ARAP2: variants seen among roughly 807,000 people sequenced by gnomAD.
ARAP2 encodes the protein ArfGAP with RhoGAP domain, ankyrin repeat and PH domain 2.
Under a neutral mutation model 194.5 loss-of-function variants are expected in ARAP2, and 148 were observed. The ratio of observed to expected loss-of-function variants is 0.76; its 90% CI spans 0.67 to 0.87. The LOEUF (loss-of-function observed/expected upper bound fraction) is 0.87. ARAP2 is among the 40% of genes least tolerant of loss of function. ARAP2 has a pLI of 0.00. For synonymous variants in ARAP2, 695 were observed against 683.5 expected, an observed-to-expected ratio of 1.02 and a Z score of -0.26; for missense variants, 2,128 against 1,989.7, an observed-to-expected ratio of 1.07 and a Z score of -1.32.
At chr4:36,073,121 G>A (rs1475471471) in intron 32 of ARAP2, among the ~76,000 whole-genome samples, 2 of 152,096 alleles carry the variant, frequency 1.3e-5, no homozygotes, top group Non-Finnish European at 2.9e-5. Flanking sequence ...TTGCTGAAGA[G>A]GCCAAACTTC....
chr4:36,031,320 G>A (rs12508463), intron 5 of ARAP2, among the ~76,000 whole-genome samples: 1 of 152,062 alleles, frequency 6.6e-6, no homozygotes, highest in Non-Finnish European at 1.5e-5. Flanking sequence ...CATTCCCCAT[G>A]AAATACATTA....
At position 36,158,872 on chromosome 4, in the gene ARAP2, A is replaced by C; in HGVS notation, c.2618-8T>G. ...TATCATGTTGAGGGAAATCTAGAAA[A>C]ATTAAAGAAATAAGGCACAAGAAAT... is the stretch of plus-strand genomic sequence containing the variant. On this transcript the variant is annotated splice_polypyrimidine_tract_variant and splice_region_variant and intron_variant, in intron 14 of 32. Coordinates refer to ENST00000303965, the MANE Select transcript of ARAP2 (RefSeq NM_015230.4). 6.3e-7 allele frequency: 1 copy of C among 1,578,664 alleles called. No homozygotes were observed. The highest frequency in any genetic ancestry group is 8.6e-7 in the Non-Finnish European group (1 of 1,169,046).
intron 8 of ARAP2, among the ~76,000 whole-genome samples, chr4:36,180,968 G>A (rs189968751): frequency 7.9e-5 from 12 of 152,310 alleles, no homozygotes; most frequent in South Asian, 2.1e-4. Flanking sequence ...GTATTTGGCC[G>A]TGCAATGTGT....
chr4:36,219,759 T>C (rs577302188), intron 2 of ARAP2, among the ~76,000 whole-genome samples: 4 of 152,206 alleles, frequency 2.6e-5, no homozygotes, highest in East Asian at 1.9e-4. Context: ...GTAGAAAATA[T>C]GAAATATCTA....
At chr4:36,102,634 T>G (rs1185122582) in intron 27 of ARAP2, among the ~76,000 whole-genome samples, 3 of 152,034 alleles carry the variant, frequency 2.0e-5, no homozygotes, top group African/African-American at 7.2e-5. Flanking sequence ...ACTACTTTTC[T>G]GTGATTGAAA....
chr4:36,051,464 A>G (rs1186596463), intron 3 of ARAP2, among the ~76,000 whole-genome samples: 3 of 152,098 alleles, frequency 2.0e-5, no homozygotes, highest in African/African-American at 7.2e-5. Flanking sequence ...GCGACAGACC[A>G]AGACTCCATT....
At chr4:36,187,697 A>G (rs573353772) in intron 7 of ARAP2, 126 bp from the exon 8 acceptor site, 12 of 725,646 alleles carry the variant, frequency 1.7e-5, no homozygotes, top group African/African-American at 1.6e-4. Context: ...TTTAAATGCC[A>G]TACAAGTAAT....
At position 36,158,729 on chromosome 4, in the gene ARAP2, C is replaced by G. The variant is rs1325708712; in HGVS notation, c.2752+1G>C. On this transcript the variant is annotated splice_donor_variant, in intron 15 of 32. Coordinates refer to ENST00000303965, the MANE Select transcript of ARAP2 (RefSeq NM_015230.4). LOFTEE classifies it high-confidence loss of function. ...ATATCTAAAAAGAAGAGAAAAAATA[C>G]CTTCAAGCAGTTTTTTCTCTGAAGA... is the stretch of plus-strand genomic sequence containing the variant. 1 of 1,597,574 alleles carries G rather than the reference C, an allele frequency of 6.3e-7. No individual in the cohort carries two copies. The highest frequency in any genetic ancestry group is 2.2e-5 in the East Asian group (1 of 44,580).
At chr4:36,174,262 A>AC (rs1560592260) in intron 9 of ARAP2, among the ~76,000 whole-genome samples, 1 of 152,242 alleles carries the variant, frequency 6.6e-6, no homozygotes, top group African/African-American at 2.4e-5. Flanking sequence ...GTCATATTAT[A>AC]ACACATTGCA....
rs760700898 is a variant in ARAP2 at position 36,177,945 on chromosome 4, G to A, written c.1739C>T (p.Ser580Leu). The change falls in exon 9 of 33, where the codon TCG becomes TTG. Residue 580 changes from serine to leucine, a missense_variant. Ser to Leu is a moderately radical substitution (Grantham distance 145, BLOSUM62 -2). Coordinates refer to ENST00000303965, the MANE Select transcript of ARAP2 (RefSeq NM_015230.4). Reference sequence around the variant, plus strand: ...AGGTGTAACAACAGCTTGAGACTGCGAGGTAAGGGATTGTGATTTCAGTGC... The same window carrying A: ...AGGTGTAACAACAGCTTGAGACTGCAAGGTAAGGGATTGTGATTTCAGTGC... ...LNALKSQSLT[S>L]QSQAVVTPEK... 17 of 1,613,410 alleles carry A rather than the reference G, an allele frequency of 1.1e-5. No homozygotes were observed. In the Admixed American group the frequency reaches 1.7e-4, roughly 16 times the overall value.
chr4:36,045,041 A>C (rs1297794016), intron 5 of ARAP2, among the ~76,000 whole-genome samples: 1 of 152,222 alleles, frequency 6.6e-6, no homozygotes, highest in Non-Finnish European at 1.5e-5. Context: ...ATCATAAAAA[A>C]GATGTGTTGG....
intron 2 of ARAP2, among the ~76,000 whole-genome samples, chr4:36,054,869 C>T (rs1199426298): frequency 6.6e-6 from 1 of 151,970 alleles, no homozygotes; most frequent in Admixed American, 6.6e-5. Flanking sequence ...TAGAAGATCC[C>T]CTGATAGTCT....
At chr4:36,189,114 G>A (rs1335016027) in intron 7 of ARAP2, among the ~76,000 whole-genome samples, 2 of 152,112 alleles carry the variant, frequency 1.3e-5, no homozygotes, top group Non-Finnish European at 2.9e-5. Flanking sequence ...AATGAGCTGT[G>A]ATTCAGGAAG....
intron 9 of ARAP2, among the ~76,000 whole-genome samples, chr4:36,008,531 C>CA (rs1560253732): frequency 1.3e-5 from 2 of 151,948 alleles, no homozygotes; most frequent in South Asian, 4.2e-4. Flanking sequence ...CCACCATACA[C>CA]AAAAAATTAA....
intron 26 of ARAP2, among the ~76,000 whole-genome samples, chr4:36,109,573 G>C (rs1719307859): frequency 6.6e-6 from 1 of 151,826 alleles, no homozygotes; most frequent in African/African-American, 2.4e-5. Context: ...ATTGGGAAAA[G>C]ATCATAACTG....
At chr4:36,162,440 T>C (rs1216404177) in intron 11 of ARAP2, among the ~76,000 whole-genome samples, 1 of 152,174 alleles carries the variant, frequency 6.6e-6, no homozygotes, top group Admixed American at 6.5e-5. Flanking sequence ...TTGTGCTGTA[T>C]AAATCATCAT....
At chr4:36,213,056 C>A (rs951991232) in intron 4 of ARAP2, among the ~76,000 whole-genome samples, 187 bp downstream of exon 4, 3 of 151,928 alleles carry the variant, frequency 2.0e-5, no homozygotes, top group Non-Finnish European at 4.4e-5. Context: ...AACATGTGTT[C>A]CTATAATGTA....
Position 36,148,633 on chromosome 4 carries a change from T to C in ARAP2, c.2898-126A>G, listed in dbSNP as rs1001445105. 1.8e-4 allele frequency: 124 copies of C among 682,456 alleles called. 1 individual carries two copies. In the East Asian group the frequency reaches 3.4e-3, roughly 19 times the overall value. The allele number at this position is 682,456 out of a possible 1,614,324, so 42.3% of individuals were successfully genotyped here. On this transcript the variant is annotated intron_variant, in intron 16 of 32. Transcript: ENST00000303965. Reference sequence around the variant, plus strand: ...AAACTAATGTTATGAAATCATCCTATTAGATTCTGTTAATGGTTTGCATTT... The same window carrying C: ...AAACTAATGTTATGAAATCATCCTACTAGATTCTGTTAATGGTTTGCATTT...
intron 5 of ARAP2, among the ~76,000 whole-genome samples, chr4:36,211,502 C>G (rs1232808288): frequency 2.0e-5 from 3 of 152,114 alleles, no homozygotes; most frequent in Admixed American, 6.6e-5. Flanking sequence ...TTACATCTTT[C>G]TGGATATAGC....
Sources: allele counts gnomAD v4.1 joint callset (sites outside exome capture counted in the v4.1 genomes callset), GRCh38; gene constraint gnomAD v4.1.1; transcripts MANE v1.5; gene names NCBI Gene and HGNC (gene_info 2026-07-23, HGNC 2026-07-21).